Variants in PDE10A observed in about 807,000 individuals in gnomAD.
PDE10A encodes phosphodiesterase 10A, also known as cAMP and cAMP-inhibited cGMP 3',5'-cyclic phosphodiesterase 10A.
PDE10A carries 39 observed loss-of-function variants against 97.7 expected under a neutral mutation model. That is an observed-to-expected ratio of 0.40 (90% CI 0.31 to 0.52). The LOEUF is 0.52. PDE10A is among the 20% of genes least tolerant of loss of function. The pLI is 0.56. For synonymous variants in PDE10A, 371 were observed against 376.8 expected (o/e 0.98, Z 0.18); for missense variants, 731 against 1,047.8 (o/e 0.70, Z 4.17).
chr6:165,756,100 A>G (rs908417851), intron 1 of PDE10A, among the ~76,000 whole-genome samples: 4 of 152,206 alleles, frequency 2.6e-5, no homozygotes, highest in Non-Finnish European at 5.9e-5. Flanking sequence ...TCTGGGAAAC[A>G]TCAAAGATTA....
At chr6:165,554,944 T>G in intron 1 of PDE10A, among the ~76,000 whole-genome samples, 1 of 152,148 alleles carries the variant, frequency 6.6e-6, no homozygotes, top group East Asian at 1.9e-4. Flanking sequence ...ATGTTCTCAT[T>G]TATTTGTGGG....
chr6:165,829,685 A>G (rs1779856391), intron 1 of PDE10A, among the ~76,000 whole-genome samples: 1 of 152,178 alleles, frequency 6.6e-6, no homozygotes, highest in Non-Finnish European at 1.5e-5. Flanking sequence ...CATCTAACCA[A>G]CAGATCCTAC....
chr6:165,468,511 T>G (rs1778796974), intron 3 of PDE10A, among the ~76,000 whole-genome samples: 1 of 152,182 alleles, frequency 6.6e-6, no homozygotes, highest in South Asian at 2.1e-4. Context: ...TTCTTGTGAC[T>G]CACTTTATGG....
rs879542527 is a variant in PDE10A, at chr6:165,689,985, AT to A, written c.-614-146418del. 2.2e-3 allele frequency among the ~76,000 whole-genome samples: 339 copies of A among 151,462 alleles called. 1 individual carries two copies. The highest frequency in any genetic ancestry group is 3.4e-3 in the Middle Eastern group (1 of 292). On this transcript the variant is annotated intron_variant, in intron 1 of 19. Transcript: ENST00000366882. Reference sequence around the variant, plus strand: ...ATAAGTAAGATACTTTAATTTCACCATTTTTTTTTAACAAGACATTTTTAAT... The same window carrying A: ...ATAAGTAAGATACTTTAATTTCACCATTTTTTTTAACAAGACATTTTTAAT...
intron 2 of PDE10A, among the ~76,000 whole-genome samples, chr6:165,532,996 CAG>C (rs1353393992): frequency 6.6e-6 from 1 of 152,144 alleles, no homozygotes; most frequent in Non-Finnish European, 1.5e-5. Flanking sequence ...ATACAGCAGA[CAG>C]AGAGCATGGA....
At chr6:165,897,166 C>T (rs1781974838) in intron 1 of PDE10A, among the ~76,000 whole-genome samples, 1 of 152,134 alleles carries the variant, frequency 6.6e-6, no homozygotes, top group South Asian at 2.1e-4. Flanking sequence ...AACAAACTGC[C>T]TGGAGAAAAG....
chr6:165,540,277 A>G (rs985168648), intron 2 of PDE10A, among the ~76,000 whole-genome samples: 3 of 152,172 alleles, frequency 2.0e-5, no homozygotes, highest in Admixed American at 2.0e-4. Context: ...AAACAAAATA[A>G]AAATTCTGCT....
intron 1 of PDE10A, among the ~76,000 whole-genome samples, chr6:165,926,565 G>A (rs1236764977): frequency 6.6e-6 from 1 of 152,188 alleles, no homozygotes; most frequent in Non-Finnish European, 1.5e-5. Context: ...CACACCCTAT[G>A]TTCACACTCT....
intron 1 of PDE10A, among the ~76,000 whole-genome samples, chr6:165,960,888 C>A (rs549653450): frequency 6.6e-6 from 1 of 152,134 alleles, no homozygotes; most frequent in Admixed American, 6.5e-5. Context: ...GGCAGCTCTG[C>A]GCTGGCCCCC....
At chr6:165,607,381 T>A (rs987484797) in intron 1 of PDE10A, among the ~76,000 whole-genome samples, 1 of 152,224 alleles carries the variant, frequency 6.6e-6, no homozygotes, top group Admixed American at 6.5e-5. Flanking sequence ...TTCCTAATGG[T>A]ATAGCACAAC....
chr6:165,731,620 C>T (rs1377198113), intron 1 of PDE10A, among the ~76,000 whole-genome samples: 1 of 152,188 alleles, frequency 6.6e-6, no homozygotes, highest in Non-Finnish European at 1.5e-5. Flanking sequence ...TGAGTGGCCA[C>T]GGGCTAGATT....
rs780022779 is a variant in PDE10A, at chr6:165,372,550, G to A, written c.2783+6644C>T. On this transcript the variant is annotated intron_variant, in intron 18 of 21. Coordinates refer to ENST00000539869, the MANE Select transcript of PDE10A (RefSeq NM_001385079.1). ...CGTGAAGGACCTCTTCAAGGAGAAC[G>A]ACAAACCACTGCTCAATGAAATAAA... Among the ~76,000 whole-genome samples, 562 of 147,114 alleles carry A rather than the reference G, an allele frequency of 3.8e-3. 4 individuals carry two copies. The highest frequency in any genetic ancestry group is 0.014 in the African/African-American group (541 of 38,834).
chr6:165,674,058 A>G (rs1424658283), intron 1 of PDE10A, among the ~76,000 whole-genome samples: 1 of 152,178 alleles, frequency 6.6e-6, no homozygotes, highest in Non-Finnish European at 1.5e-5. Context: ...GAAAAACCTG[A>G]GCTGGTCAGA....
chr6:165,469,664 A>C (rs1403343524), intron 3 of PDE10A, among the ~76,000 whole-genome samples: 2 of 152,024 alleles, frequency 1.3e-5, no homozygotes, highest in Non-Finnish European at 2.9e-5. Context: ...ATCATCAAGA[A>C]TGAGTGGTTT....
At chr6:165,446,688 T>G (rs1790871354) in intron 5 of PDE10A, among the ~76,000 whole-genome samples, 1 of 152,132 alleles carries the variant, frequency 6.6e-6, no homozygotes, top group South Asian at 2.1e-4. Flanking sequence ...TTATATAATG[T>G]TGAGAAAGCA....
rs557182896 is a variant in PDE10A at position 165,448,934 on chromosome 6, G to A, written c.1188C>T (p.Cys396=). Reference sequence around the variant, plus strand: ...TCTAAATTTAGATACTTACATTATTGCACTCTCCAAGGAAATACAGTGCAA... The same window carrying A: ...TCTAAATTTAGATACTTACATTATTACACTCTCCAAGGAAATACAGTGCAA... ...DGFALYFLGE[C]NNSLCIFTPP... is the part of the protein sequence containing the mutation. Residue 396 remains cysteine, a synonymous_variant, in exon 5 of 22, where the codon TGC becomes TGT. Coordinates refer to ENST00000539869, the MANE Select transcript of PDE10A (RefSeq NM_001385079.1). The A allele has an allele frequency of 5.0e-6, 8 of 1,605,554 alleles. No individual in the cohort carries two copies. The South Asian group carries it at 5.5e-5, about 11-fold the overall frequency.
At chr6:165,702,195 C>T (rs1046721093) in intron 1 of PDE10A, among the ~76,000 whole-genome samples, 2 of 152,232 alleles carry the variant, frequency 1.3e-5, no homozygotes, top group Admixed American at 6.5e-5. Context: ...CAAGAAGGAC[C>T]AGCCCCAGCT....
intron 18 of PDE10A, among the ~76,000 whole-genome samples, chr6:165,375,600 G>A (rs1417069921): frequency 1.3e-5 from 2 of 152,142 alleles, no homozygotes; most frequent in African/African-American, 2.4e-5. Context: ...GGATGAAGGT[G>A]GCTCAACTAA....
Position 165,691,213 on chromosome 6 carries a change from A to C in PDE10A, c.-614-147645T>G, listed in dbSNP as rs1377412188. ...CCTCTCTCTCTCTCCCCACACACAC[A>C]CACACACACACACACACACACACAC... On this transcript the variant is annotated intron_variant, in intron 1 of 19. Coordinates refer to the PDE10A transcript ENST00000366882. 7.2e-4 allele frequency among the ~76,000 whole-genome samples: 97 copies of C among 135,142 alleles called. 1 individual carries two copies. The highest frequency in any genetic ancestry group is 3.1e-3 in the African/African-American group (90 of 29,280). The allele number at this position is 135,142 out of a possible 152,430, so 88.7% of individuals were successfully genotyped here. A position where few individuals can be genotyped will look rare whatever the true frequency, so the allele number is the denominator to read the frequency against.
Sources: gnomAD v4.1 joint callset for allele counts (sites outside exome capture counted in the v4.1 genomes callset) on GRCh38, gnomAD v4.1.1 for gene constraint, MANE v1.5 for transcripts, NCBI Gene and HGNC (gene_info 2026-07-23, HGNC 2026-07-21) for gene names.